Variants in ASIC2 observed in about 807,000 individuals in gnomAD.
The protein encoded by ASIC2 is acid sensing ion channel subunit 2.
A neutral mutation model predicts 57.3 loss-of-function variants in ASIC2; 25 were observed. That is an observed-to-expected ratio of 0.44 (90% CI 0.32 to 0.61). The LOEUF is 0.61. Among genes scored for constraint, ASIC2 ranks in the 20% least tolerant of loss-of-function variants. ASIC2 has a pLI of 0.06. For missense variants in ASIC2, 641 were observed against 738.1 expected, an observed-to-expected ratio of 0.87 and a Z score of 1.52; for synonymous variants, 319 against 307.5, an observed-to-expected ratio of 1.04 and a Z score of -0.39.
chr17:33,179,333 T>C (rs1905886253), intron 1 of ASIC2, among the ~76,000 whole-genome samples: 1 of 152,108 alleles, frequency 6.6e-6, no homozygotes, highest in South Asian at 2.1e-4. Flanking sequence ...TAAATTAAAA[T>C]AAATAAATAA....
At chr17:33,212,075 CCT>C (rs1192719219) in intron 1 of ASIC2, among the ~76,000 whole-genome samples, 1 of 152,132 alleles carries the variant, frequency 6.6e-6, no homozygotes, top group Non-Finnish European at 1.5e-5. Context: ...GATGGGACTC[CCT>C]GTCTGTCTCT....
chr17:33,123,678 A>G (rs540137916), intron 1 of ASIC2, among the ~76,000 whole-genome samples: 1 of 152,330 alleles, frequency 6.6e-6, no homozygotes, highest in South Asian at 2.1e-4. Flanking sequence ...ATTTCTGCTC[A>G]GGTGAACTTC....
At chr17:33,539,435 A>G (rs1430224317) in intron 1 of ASIC2, among the ~76,000 whole-genome samples, 2 of 152,210 alleles carry the variant, frequency 1.3e-5, no homozygotes, top group Non-Finnish European at 2.9e-5. Context: ...GCTGGATTCC[A>G]AGGTGGAGGG....
At chr17:33,244,210 A>G (rs1383311223) in intron 1 of ASIC2, among the ~76,000 whole-genome samples, 1 of 151,924 alleles carries the variant, frequency 6.6e-6, no homozygotes, top group African/African-American at 2.4e-5. Flanking sequence ...CAAATACTTC[A>G]AGATATGTCC....
At chr17:33,191,325 G>A (rs1906409671) in intron 1 of ASIC2, among the ~76,000 whole-genome samples, 1 of 152,124 alleles carries the variant, frequency 6.6e-6, no homozygotes, top group Non-Finnish European at 1.5e-5. Context: ...TTGGTGTGGA[G>A]ATGGAAGGAA....
At chr17:33,932,049 GCTGAGC>G (rs1915942752) in intron 1 of ASIC2, among the ~76,000 whole-genome samples, 1 of 152,120 alleles carries the variant, frequency 6.6e-6, no homozygotes, top group African/African-American at 2.4e-5. Context: ...CCAAGAGGGA[GCTGAGC>G]CAGGCCAGGT....
intron 3 of ASIC2, among the ~76,000 whole-genome samples, chr17:33,068,449 C>T (rs546670739): frequency 1.3e-4 from 20 of 152,240 alleles, no homozygotes; most frequent in African/African-American, 4.6e-4. Flanking sequence ...AGGAGAATTG[C>T]TTGAACCTGG....
Position 33,292,313 on chromosome 17 carries a change from C to A in ASIC2, c.-198G>T, listed in dbSNP as rs1293806363. On this transcript the variant is annotated 5_prime_UTR_variant, in exon 1 of 10. Coordinates refer to ENST00000225823, the MANE Select transcript of ASIC2 (RefSeq NM_183377.2). ...GCTGCCGCCTCCGCGGGCGCCCGCC[C>A]GGGGCTGAGCGCCGCCTCAGCCCGC... 1.0e-6 allele frequency: 1 copy of A among 986,644 alleles called. No homozygotes were observed. The highest frequency in any genetic ancestry group is 1.7e-5 in the African/African-American group (1 of 57,194). The allele number at this position is 986,644 out of a possible 1,614,324, so 61.1% of individuals were successfully genotyped here.
At chr17:33,685,512 T>C (rs1041977061) in intron 1 of ASIC2, among the ~76,000 whole-genome samples, 11 of 152,272 alleles carry the variant, frequency 7.2e-5, no homozygotes, top group South Asian at 4.1e-4. Context: ...TAGGGGATGA[T>C]TGGGGACCAT....
intron 1 of ASIC2, among the ~76,000 whole-genome samples, chr17:33,378,022 AC>A (rs1909343279): frequency 6.6e-6 from 1 of 152,078 alleles, no homozygotes. Flanking sequence ...CTCAGCAGAT[AC>A]CCCCTGGTAG....
intron 1 of ASIC2, among the ~76,000 whole-genome samples, chr17:33,960,849 G>A (rs1374711707): frequency 1.3e-5 from 2 of 152,142 alleles, no homozygotes; most frequent in Non-Finnish European, 2.9e-5. Context: ...TTCAATGCCT[G>A]CCCCTATCCC....
chr17:33,097,384 A>G (rs1034561588), intron 2 of ASIC2, among the ~76,000 whole-genome samples: 4 of 152,118 alleles, frequency 2.6e-5, no homozygotes, highest in African/African-American at 9.7e-5. Flanking sequence ...CATCATGCTC[A>G]TTTTTCAGAT....
chr17:33,528,263 A>T (rs1914947661), intron 1 of ASIC2, among the ~76,000 whole-genome samples: 1 of 149,460 alleles, frequency 6.7e-6, no homozygotes, highest in African/African-American at 2.5e-5. Context: ...TTTTAAATTG[A>T]GACAAAGCTT....
chr17:33,373,866 T>C (rs8068456), intron 1 of ASIC2, among the ~76,000 whole-genome samples: 1 of 152,236 alleles, frequency 6.6e-6, no homozygotes, highest in African/African-American at 2.4e-5. Flanking sequence ...TTAGTAGAGA[T>C]GGGGTTTTGC....
chr17:33,089,527 G>T (rs892474426), intron 2 of ASIC2, among the ~76,000 whole-genome samples: 1 of 152,204 alleles, frequency 6.6e-6, no homozygotes, highest in African/African-American at 2.4e-5. Context: ...GTTGTTTTCA[G>T]CCACTAAATT....
At chr17:34,005,815 G>C (rs1258770358) in intron 1 of ASIC2, 3 of 152,196 alleles carry the variant, frequency 2.0e-5, no homozygotes, top group Non-Finnish European at 4.4e-5. Flanking sequence ...ACATCTACTG[G>C]AGAAAAGATC....
chr17:34,110,602 T>C (rs371463648), intron 1 of ASIC2, among the ~76,000 whole-genome samples: 2 of 152,138 alleles, frequency 1.3e-5, no homozygotes, highest in South Asian at 2.1e-4. Context: ...AAATCCAATT[T>C]GGGAGAGGAT....
chr17:33,308,869 T>C (rs778942364), intron 1 of ASIC2, among the ~76,000 whole-genome samples: 1 of 152,200 alleles, frequency 6.6e-6, no homozygotes, highest in African/African-American at 2.4e-5. Flanking sequence ...AACTTGTCAA[T>C]CCGTTCAATG....
At chr17:33,112,339 G>A (rs542490412) in intron 1 of ASIC2, among the ~76,000 whole-genome samples, 1 of 152,294 alleles carries the variant, frequency 6.6e-6, no homozygotes, top group South Asian at 2.1e-4. Context: ...ACCTCTGGGA[G>A]GTCCTGTTCA....
Sources: gnomAD v4.1 joint callset for allele counts (sites outside exome capture counted in the v4.1 genomes callset) on GRCh38, gnomAD v4.1.1 for gene constraint, MANE v1.5 for transcripts, NCBI Gene and HGNC (gene_info 2026-07-23, HGNC 2026-07-21) for gene names.